Variants in FRMD6 observed in about 807,000 individuals in gnomAD.
FRMD6 encodes FERM domain-containing protein 6.
FRMD6 carries 37 observed loss-of-function variants against 73.2 expected under a neutral mutation model. The ratio of observed to expected loss-of-function variants is 0.51; its 90% CI spans 0.39 to 0.66. The LOEUF is 0.66. Ranked by LOEUF, FRMD6 falls within the 30% of genes least tolerant of loss-of-function variation. The pLI, the probability that FRMD6 is intolerant of heterozygous loss-of-function variation, is 0.00. For missense variants in FRMD6, 714 were observed against 780.5 expected (o/e 0.91, Z 1.02); for synonymous variants, 273 against 282.2 (o/e 0.97, Z 0.33).
At chr14:51,485,735 T>C (rs985215603), upstream of FRMD6, among the ~76,000 whole-genome samples, 6 of 152,260 alleles carry the variant, frequency 3.9e-5, no homozygotes, top group Non-Finnish European at 7.3e-5. Context: ...TACAGAATCA[T>C]GGGCATGGCT....
At position 51,507,083 on chromosome 14, in the gene FRMD6, G is replaced by GACACACACACACAC. The variant is rs200052672; in HGVS notation, c.-210+17704_-210+17717dup. Among the ~76,000 whole-genome samples the GACACACACACACAC allele has an allele frequency of 4.8e-4, 67 of 138,990 alleles. 2 individuals are homozygous for GACACACACACACAC. The highest frequency in any genetic ancestry group is 8.4e-4 in the Non-Finnish European group (54 of 64,004). 91.2% of individuals were successfully genotyped at this position (138,990 alleles called of 152,430 possible). On this transcript the variant is annotated intron_variant, in intron 1 of 14. Transcript: ENST00000356218. ...TGAAATGATTAGAATTGGTTGTATAGACACACACACACACACACACACACA... is the reference window on the plus strand; with the variant it reads ...TGAAATGATTAGAATTGGTTGTATAGACACACACACACACACACACACACACACACACACACACA...
At chr14:51,686,248 A>C (rs932282740) in intron 1 of FRMD6, among the ~76,000 whole-genome samples, 4 of 152,152 alleles carry the variant, frequency 2.6e-5, no homozygotes, top group African/African-American at 9.6e-5. Context: ...ACCGGCACCC[A>C]GTTTCCCCTG....
chr14:51,472,666 C>T, the FRMD6 span, among the ~76,000 whole-genome samples: 2 of 151,282 alleles, frequency 1.3e-5, no homozygotes, highest in Admixed American at 1.3e-4. Context: ...CAGGGACCCT[C>T]CTTTTCAGTT....
At chr14:51,482,024 C>A in the FRMD6 span, among the ~76,000 whole-genome samples, 1 of 152,060 alleles carries the variant, frequency 6.6e-6, no homozygotes, top group Non-Finnish European at 1.5e-5. Context: ...GAAACCTCAG[C>A]GCTTATTGTT....
chr14:51,568,689 A>G (rs999909271), intron 1 of FRMD6, among the ~76,000 whole-genome samples: 2 of 152,192 alleles, frequency 1.3e-5, no homozygotes, highest in African/African-American at 4.8e-5. Context: ...AATGACCTCT[A>G]CAGATCACTA....
chr14:51,543,491 A>G (rs1441243995), intron 1 of FRMD6, among the ~76,000 whole-genome samples: 1 of 152,072 alleles, frequency 6.6e-6, no homozygotes, highest in Non-Finnish European at 1.5e-5. Context: ...ATTTACTTTT[A>G]TATAATCTGT....
the FRMD6 span, among the ~76,000 whole-genome samples, chr14:51,410,199 C>T: frequency 2.0e-5 from 3 of 152,174 alleles, no homozygotes; most frequent in Non-Finnish European, 2.9e-5. Flanking sequence ...AGTGGCTTTT[C>T]TCTGTAAAGA....
intron 2 of FRMD6, among the ~76,000 whole-genome samples, chr14:51,617,300 A>C (rs1443311441): frequency 6.6e-6 from 1 of 152,174 alleles, no homozygotes; most frequent in Non-Finnish European, 1.5e-5. Flanking sequence ...ACTGAACAGC[A>C]GGGAGTGGGG....
the FRMD6 span, among the ~76,000 whole-genome samples, chr14:51,479,864 C>T: frequency 1.3e-5 from 2 of 152,096 alleles, no homozygotes; most frequent in South Asian, 4.1e-4. Flanking sequence ...TGGGTTGCTG[C>T]CTCTTCAGTT....
chr14:51,511,782 G>A (rs1174603176), intron 1 of FRMD6, among the ~76,000 whole-genome samples: 1 of 151,988 alleles, frequency 6.6e-6, no homozygotes, highest in African/African-American at 2.4e-5. Context: ...TGTAGGTGAT[G>A]GGTTGATGGG....
At chr14:51,543,062 C>T (rs1003699563) in intron 1 of FRMD6, among the ~76,000 whole-genome samples, 2 of 151,880 alleles carry the variant, frequency 1.3e-5, no homozygotes, top group African/African-American at 4.8e-5. Context: ...TTGATAGTAT[C>T]CTTTGATGAA....
intron 2 of FRMD6, among the ~76,000 whole-genome samples, chr14:51,626,524 C>T (rs143786839): frequency 6.6e-6 from 1 of 152,188 alleles, no homozygotes; most frequent in Admixed American, 6.5e-5. Flanking sequence ...ACCTACTTTG[C>T]CACGTTATCA....
intron 1 of FRMD6, among the ~76,000 whole-genome samples, chr14:51,538,434 C>G (rs575708089): frequency 6.6e-6 from 1 of 151,898 alleles, no homozygotes; most frequent in African/African-American, 2.4e-5. Context: ...TTTCCTTTGT[C>G]ACATGTGAAT....
At chr14:51,673,053 C>T (rs1894130693) in intron 1 of FRMD6, among the ~76,000 whole-genome samples, 1 of 152,152 alleles carries the variant, frequency 6.6e-6, no homozygotes, top group African/African-American at 2.4e-5. Context: ...TTGCTTTTAA[C>T]CTTCTATAGA....
intron 2 of FRMD6, among the ~76,000 whole-genome samples, chr14:51,592,867 T>C (rs1341626738): frequency 6.6e-6 from 1 of 152,222 alleles, no homozygotes; most frequent in Non-Finnish European, 1.5e-5. Flanking sequence ...ATCTTACAAA[T>C]GATTTTTTAA....
intron 12 of FRMD6, among the ~76,000 whole-genome samples, chr14:51,723,869 A>G (rs185612456): frequency 6.6e-6 from 1 of 152,276 alleles, no homozygotes; most frequent in East Asian, 1.9e-4. Context: ...ACAATATTTA[A>G]TAACATAAGA....
At chr14:51,715,632 C>G (rs1897197551) in intron 10 of FRMD6, 133 bp downstream of exon 10, 1 of 619,782 alleles carries the variant, frequency 1.6e-6, no homozygotes, top group East Asian at 3.0e-5. Context: ...AGCAGCATTA[C>G]TATTTACATC....
At chr14:51,532,130 A>T (rs1885618488) in intron 1 of FRMD6, among the ~76,000 whole-genome samples, 1 of 152,152 alleles carries the variant, frequency 6.6e-6, no homozygotes, top group Admixed American at 6.5e-5. Flanking sequence ...GTACTTTGGG[A>T]GGCCGAGGTG....
At position 51,564,593 on chromosome 14, in the gene FRMD6, T is replaced by C. The variant is rs558463414; in HGVS notation, c.-209-5755T>C. On this transcript the variant is annotated intron_variant, in intron 1 of 14. Transcript: ENST00000356218. ...GATTATGGACAGCAGCAGCTCAGAA[T>C]AATAGGTGGTTTAAAGGATATAATT... is the stretch of plus-strand genomic sequence containing the variant. Among the ~76,000 whole-genome samples, 3 of 152,140 alleles carry C rather than the reference T, an allele frequency of 2.0e-5. No homozygotes were observed. The East Asian group carries it at 5.8e-4, about 29-fold the overall frequency.
Sources: allele counts gnomAD v4.1 joint callset (sites outside exome capture counted in the v4.1 genomes callset), GRCh38; gene constraint gnomAD v4.1.1; transcripts MANE v1.5; gene names NCBI Gene and HGNC (gene_info 2026-07-23, HGNC 2026-07-21).